The following NETO1 variants were observed in gnomAD, a reference collection of about 807,000 sequenced individuals.
NETO1 encodes the protein neuropilin and tolloid-like protein 1.
NETO1 carries 26 observed loss-of-function variants against 61.3 expected under a neutral mutation model. The observed-to-expected ratio is 0.42, with a 90% CI of 0.31 to 0.59. NETO1 has a LOEUF of 0.59. NETO1 is among the 20% of genes least tolerant of loss of function. The probability of loss-of-function intolerance (pLI) is 0.12; values close to 1 mark genes in which losing one functional copy is unlikely to be tolerated. For missense variants in NETO1, 531 were observed against 662.8 expected, an observed-to-expected ratio of 0.80 and a Z score of 2.18; for synonymous variants, 225 against 225.8, an observed-to-expected ratio of 1.00 and a Z score of 0.03.
chr18:72,860,251 G>A (rs2145652889), intron 3 of NETO1, among the ~76,000 whole-genome samples: 1 of 152,258 alleles, frequency 6.6e-6, no homozygotes, highest in South Asian at 2.1e-4. Flanking sequence ...CCCTTTTCAG[G>A]GACTAAGCCC....
intron 4 of NETO1, among the ~76,000 whole-genome samples, chr18:72,845,892 T>C (rs2074066478): frequency 6.6e-6 from 1 of 152,164 alleles, no homozygotes; most frequent in Non-Finnish European, 1.5e-5. Context: ...AATATATACA[T>C]TGTTGTTAGA....
chr18:72,833,574 T>TCC (rs1290104047), intron 4 of NETO1, among the ~76,000 whole-genome samples: 1 of 152,114 alleles, frequency 6.6e-6, no homozygotes, highest in Admixed American at 6.6e-5. Context: ...TCTCACTAAC[T>TCC]CCCTGTTGCT....
At chr18:72,813,467 A>T (rs2072932434) in intron 4 of NETO1, among the ~76,000 whole-genome samples, 1 of 152,224 alleles carries the variant, frequency 6.6e-6, no homozygotes, top group East Asian at 1.9e-4. Flanking sequence ...AACGAAGAGA[A>T]GAAATGAATC....
Position 72,783,735 on chromosome 18 carries a change from C to T in NETO1, c.811G>A (p.Ala271Thr). Residue 271 changes from alanine to threonine, a missense_variant, in exon 7 of 11, where the codon GCA becomes ACA. By Grantham distance (58) the Ala-to-Thr change is moderately conservative. Coordinates refer to ENST00000327305, the MANE Select transcript of NETO1 (RefSeq NM_138966.5). ...RTGLGVIRMW[A>T]DEGSRNSRFQ... Reference sequence around the variant, plus strand: ...CGGCTGTTTCGACTGCCCTCATCTGCCCACATGCGGATCACCCCAAGACCC... The same window carrying T: ...CGGCTGTTTCGACTGCCCTCATCTGTCCACATGCGGATCACCCCAAGACCC... 1 of 1,614,126 alleles carries T rather than the reference C, an allele frequency of 6.2e-7. No homozygotes were observed. The highest frequency in any genetic ancestry group is 8.5e-7 in the Non-Finnish European group (1 of 1,180,004).
chr18:72,767,612 T>C (rs1216428151), intron 7 of NETO1, among the ~76,000 whole-genome samples: 2 of 152,168 alleles, frequency 1.3e-5, no homozygotes, highest in African/African-American at 4.8e-5. Flanking sequence ...ATGGTTTAAG[T>C]AACCATATCA....
intron 7 of NETO1, among the ~76,000 whole-genome samples, chr18:72,782,195 C>T (rs960141959): frequency 6.6e-6 from 1 of 152,178 alleles, no homozygotes; most frequent in Non-Finnish European, 1.5e-5. Context: ...TTTTTTATGG[C>T]TACATAGTAT....
intron 4 of NETO1, among the ~76,000 whole-genome samples, chr18:72,795,419 G>A (rs1488055947): frequency 6.6e-6 from 1 of 152,126 alleles, no homozygotes; most frequent in African/African-American, 2.4e-5. Flanking sequence ...TAATGACTAT[G>A]AGTCATTAAT....
At chr18:72,792,247 C>T (rs924324177) in intron 6 of NETO1, among the ~76,000 whole-genome samples, 4 of 152,126 alleles carry the variant, frequency 2.6e-5, no homozygotes, top group South Asian at 2.1e-4. Context: ...GCCTGGCCAA[C>T]GTGGAGAAAC....
At position 72,852,004 on chromosome 18, in the gene NETO1, C is replaced by T. The variant is rs1942468; in HGVS notation, c.469+6822G>A. Among the ~76,000 whole-genome samples, 125 of 152,226 alleles carry T rather than the reference C, an allele frequency of 8.2e-4. 1 individual carries two copies. The South Asian group carries it at 0.023, about 28-fold the overall frequency. ...GTAGAAAGGTTGAAGGAAATAAATT[C>T]CAAGGTCTTTTCTAATCTAAGGAAA... is the stretch of plus-strand genomic sequence containing the variant. On this transcript the variant is annotated intron_variant, in intron 4 of 10. Transcript: ENST00000327305.
chr18:72,788,993 G>A (rs921144133), intron 6 of NETO1, among the ~76,000 whole-genome samples: 5 of 152,046 alleles, frequency 3.3e-5, no homozygotes, highest in African/African-American at 1.2e-4. Flanking sequence ...GAGAAATGCT[G>A]TACATGGTTT....
chr18:72,797,955 G>A (rs904891662), intron 4 of NETO1, among the ~76,000 whole-genome samples: 2 of 152,086 alleles, frequency 1.3e-5, no homozygotes, highest in African/African-American at 4.8e-5. Flanking sequence ...CGCCTTCCTT[G>A]ACAATCCTCT....
intron 8 of NETO1, among the ~76,000 whole-genome samples, chr18:72,754,872 A>G (rs1460024927): frequency 6.6e-6 from 1 of 152,128 alleles, no homozygotes; most frequent in East Asian, 1.9e-4. Flanking sequence ...ACAACACTCC[A>G]CTCAACAACA....
intron 4 of NETO1, among the ~76,000 whole-genome samples, chr18:72,832,249 C>G (rs1248503363): frequency 6.6e-6 from 1 of 151,974 alleles, no homozygotes; most frequent in African/African-American, 2.4e-5. Flanking sequence ...AAAAATCACC[C>G]TAAAATTTAT....
intron 4 of NETO1, among the ~76,000 whole-genome samples, chr18:72,818,205 G>A (rs1196511932): frequency 6.6e-6 from 1 of 152,166 alleles, no homozygotes; most frequent in Non-Finnish European, 1.5e-5. Flanking sequence ...ATTTGCAAGT[G>A]TACTAAATAA....
chr18:72,804,065 GT>G (rs1168373567), intron 4 of NETO1, among the ~76,000 whole-genome samples: 1 of 151,696 alleles, frequency 6.6e-6, no homozygotes, highest in Non-Finnish European at 1.5e-5. Context: ...TTTTAATATA[GT>G]ATGCTATTTA....
chr18:72,804,700 C>T (rs1188737922), intron 4 of NETO1, among the ~76,000 whole-genome samples: 1 of 152,164 alleles, frequency 6.6e-6, no homozygotes, highest in Non-Finnish European at 1.5e-5. Flanking sequence ...AGGTCATGAG[C>T]ACACGTCACT....
In NETO1 at chr18:72,759,941, G is replaced by A. The variant is rs9956253; in HGVS notation, c.869-3794C>T. On this transcript the variant is annotated intron_variant, in intron 7 of 10. Transcript: ENST00000327305. ...CACAGTTTCCAGGGTCACAAGAGGGGACACGCAACTTTATACTTGTTTCTA... is the reference window on the plus strand; with the variant it reads ...CACAGTTTCCAGGGTCACAAGAGGGAACACGCAACTTTATACTTGTTTCTA... 3.1e-3 allele frequency among the ~76,000 whole-genome samples: 475 copies of A among 152,260 alleles called. 1 individual carries two copies. Among genetic ancestry groups the A allele is most frequent in the African/African-American group, 0.011 (452 of 41,544 alleles).
At chr18:72,863,513 T>C (rs548115500) in intron 3 of NETO1, among the ~76,000 whole-genome samples, 1 of 152,234 alleles carries the variant, frequency 6.6e-6, no homozygotes, top group Non-Finnish European at 1.5e-5. Flanking sequence ...TAAAAGGAAT[T>C]TGCACTGCCA....
chr18:72,816,841 G>A (rs188780433), intron 4 of NETO1, among the ~76,000 whole-genome samples: 393 of 152,248 alleles, frequency 2.6e-3, no homozygotes, highest in South Asian at 0.01. Context: ...TTGAAGAGCT[G>A]CACCAATTGG....
Sources: allele counts gnomAD v4.1 joint callset (sites outside exome capture counted in the v4.1 genomes callset), GRCh38; gene constraint gnomAD v4.1.1; transcripts MANE v1.5; gene names NCBI Gene and HGNC (gene_info 2026-07-23, HGNC 2026-07-21).